BMPER: variants seen among roughly 807,000 people sequenced by gnomAD.
BMPER encodes BMP binding endothelial regulator.
A neutral mutation model predicts 87.3 loss-of-function variants in BMPER; 45 were observed. That is an observed-to-expected ratio of 0.52 (90% confidence interval 0.41 to 0.66). The LOEUF is 0.66. BMPER is among the 30% of genes least tolerant of loss of function. The probability of loss-of-function intolerance (pLI) is 0.00; values close to 1 mark genes in which losing one functional copy is unlikely to be tolerated. For missense variants in BMPER, 784 were observed against 867.5 expected, an observed-to-expected ratio of 0.90 and a Z score of 1.21; for synonymous variants, 326 against 316.2, an observed-to-expected ratio of 1.03 and a Z score of -0.33.
At chr7:33,944,499 G>A (rs75490927) in intron 3 of BMPER, among the ~76,000 whole-genome samples, 1,780 of 152,286 alleles carry the variant, frequency 0.012, 15 homozygotes, top group Middle Eastern at 0.031. Context: ...AAATATTATT[G>A]TTATCATAAT....
At chr7:34,000,356 G>GA (rs201420756) in intron 6 of BMPER, among the ~76,000 whole-genome samples, 6 of 151,558 alleles carry the variant, frequency 4.0e-5, no homozygotes, top group Admixed American at 1.3e-4. Flanking sequence ...ATCTTGGATT[G>GA]AAAAAAAATA....
At chr7:33,969,953 A>C (rs1276237440) in intron 4 of BMPER, among the ~76,000 whole-genome samples, 1 of 152,206 alleles carries the variant, frequency 6.6e-6, no homozygotes, top group East Asian at 1.9e-4. Context: ...ATGGCTTGAC[A>C]TGAATAACAA....
chr7:33,946,751 T>C (rs1784903445), intron 3 of BMPER, among the ~76,000 whole-genome samples: 1 of 152,210 alleles, frequency 6.6e-6, no homozygotes, highest in Admixed American at 6.5e-5. Context: ...AAGGCAATGG[T>C]AGGAGAGTAC....
intron 13 of BMPER, among the ~76,000 whole-genome samples, chr7:34,108,823 A>G (rs560123097): frequency 4.6e-5 from 7 of 152,240 alleles, no homozygotes; most frequent in Non-Finnish European, 8.8e-5. Context: ...CCTAAACATT[A>G]AATACTTCCT....
Position 34,153,396 on chromosome 7 carries a change from G to GTA in BMPER, c.*124_*125insAT. On this transcript the variant is annotated 3_prime_UTR_variant, in exon 15 of 15. Transcript: ENST00000649409. ...AAACACACACACACAGAGTATATAT[G>GTA]TGTATATATATATAGATATATTCAA... 2 of 872,290 alleles carry GTA rather than the reference G, an allele frequency of 2.3e-6. No individual in the cohort carries two copies. Among genetic ancestry groups the GTA allele is most frequent in the Non-Finnish European group, 3.7e-6 (2 of 541,238 alleles). The allele number at this position is 872,290 out of a possible 1,614,324, so 54.0% of individuals were successfully genotyped here. A position where few individuals can be genotyped will look rare whatever the true frequency, so the allele number is the denominator to read the frequency against.
chr7:34,143,163 A>C, intron 13 of BMPER, 67 bp from the exon 14 acceptor site: 1 of 1,603,508 alleles, frequency 6.2e-7, no homozygotes, highest in Non-Finnish European at 8.5e-7. Context: ...CCCTTTCTGA[A>C]GTTATATTTA....
At chr7:33,991,096 G>C (rs1786202075) in intron 6 of BMPER, among the ~76,000 whole-genome samples, 1 of 146,622 alleles carries the variant, frequency 6.8e-6, no homozygotes, top group African/African-American at 2.5e-5. Flanking sequence ...TTGTGTCTCT[G>C]CCTGGCTTTG....
intron 6 of BMPER, among the ~76,000 whole-genome samples, chr7:33,988,222 A>G (rs1279562920): frequency 6.6e-6 from 1 of 152,154 alleles, no homozygotes; most frequent in East Asian, 1.9e-4. Flanking sequence ...GGGGTGATGA[A>G]TGTGATTGGC....
chr7:33,989,142 G>A (rs960642047), intron 6 of BMPER, among the ~76,000 whole-genome samples: 5 of 134,278 alleles, frequency 3.7e-5, no homozygotes, highest in Non-Finnish European at 7.8e-5. Flanking sequence ...GTAATGGGAT[G>A]GCTGGGTCAA....
chr7:34,125,000 A>C (rs1286411027), intron 13 of BMPER, among the ~76,000 whole-genome samples: 1 of 152,102 alleles, frequency 6.6e-6, no homozygotes, highest in Non-Finnish European at 1.5e-5. Flanking sequence ...CATTCCTAAA[A>C]AAAAAAACCC....
At chr7:34,114,787 T>C (rs1302456535) in intron 13 of BMPER, among the ~76,000 whole-genome samples, 1 of 152,132 alleles carries the variant, frequency 6.6e-6, no homozygotes, top group East Asian at 1.9e-4. Context: ...AAAACTCCAG[T>C]GCAAAGGCCC....
At chr7:34,139,096 A>T (rs541906378) in intron 13 of BMPER, among the ~76,000 whole-genome samples, 2 of 152,226 alleles carry the variant, frequency 1.3e-5, no homozygotes, top group Non-Finnish European at 2.9e-5. Context: ...TTGAATAACA[A>T]TTGTTTTGTC....
rs150822989 is a variant in BMPER, at chr7:34,060,755, C to G, written c.1033-1247C>G. On this transcript the variant is annotated intron_variant, in intron 10 of 14. Coordinates refer to ENST00000649409, the MANE Select transcript of BMPER (RefSeq NM_001365308.1). ...TTTGACATGAGCCTTGGCAACCTCTCCATGGTCTCTGTTTCCTTAGTTCCC... is the reference window on the plus strand; with the variant it reads ...TTTGACATGAGCCTTGGCAACCTCTGCATGGTCTCTGTTTCCTTAGTTCCC... Among the ~76,000 whole-genome samples, 744 of 152,292 alleles carry G rather than the reference C, an allele frequency of 4.9e-3. 5 individuals carry two copies. The highest frequency in any genetic ancestry group is 0.017 in the African/African-American group (716 of 41,544).
At chr7:34,025,219 A>G (rs1210572857) in intron 6 of BMPER, among the ~76,000 whole-genome samples, 1 of 152,114 alleles carries the variant, frequency 6.6e-6, no homozygotes, top group African/African-American at 2.4e-5. Flanking sequence ...TTGACCTTTT[A>G]ATCAAATGAC....
At chr7:33,922,820 A>T (rs954298378) in intron 2 of BMPER, among the ~76,000 whole-genome samples, 19 of 150,332 alleles carry the variant, frequency 1.3e-4, no homozygotes, top group African/African-American at 1.7e-4. Context: ...GTTAGTAAAT[A>T]TTTTTTTTTT....
intron 14 of BMPER, among the ~76,000 whole-genome samples, chr7:34,144,284 G>A (rs1790959882): frequency 6.6e-6 from 1 of 151,790 alleles, no homozygotes; most frequent in South Asian, 2.1e-4. Context: ...GGTGGGCTAG[G>A]GGAAGAGGGG....
rs754079206 is a variant in BMPER at position 34,146,420 on chromosome 7, GGA to G, written c.1876+3061_1876+3062del. Among the ~76,000 whole-genome samples the G allele has an allele frequency of 6.1e-3, 934 of 152,162 alleles. 6 individuals are homozygous for G. Among genetic ancestry groups the G allele is most frequent in the Non-Finnish European group, 8.8e-3 (599 of 67,992 alleles). ...ATGTGCCCGCCACCTATGGCACAAAGGACTAATGGAACCCTAATTTAGCATGG... is the reference window on the plus strand; with the variant it reads ...ATGTGCCCGCCACCTATGGCACAAAGCTAATGGAACCCTAATTTAGCATGG... On this transcript the variant is annotated intron_variant, in intron 14 of 14. Transcript: ENST00000649409.
At chr7:34,145,741 G>A (rs1181789295) in intron 14 of BMPER, among the ~76,000 whole-genome samples, 1 of 152,320 alleles carries the variant, frequency 6.6e-6, no homozygotes, top group Admixed American at 6.5e-5. Flanking sequence ...TAGTGCTGTT[G>A]TTGGGATCAT....
chr7:33,977,708 G>A (rs1411739217), intron 6 of BMPER, among the ~76,000 whole-genome samples: 1 of 151,962 alleles, frequency 6.6e-6, no homozygotes, highest in African/African-American at 2.4e-5. Context: ...GTATTTATGT[G>A]ACTATATATT....
Sources: gnomAD v4.1 joint callset for allele counts (sites outside exome capture counted in the v4.1 genomes callset) on GRCh38, gnomAD v4.1.1 for gene constraint, MANE v1.5 for transcripts, NCBI Gene and HGNC (gene_info 2026-07-23, HGNC 2026-07-21) for gene names.